The following RPS6KA5 variants were observed in gnomAD, a reference collection of about 807,000 sequenced individuals.
RPS6KA5 encodes ribosomal protein S6 kinase A5.
A neutral mutation model predicts 85.5 loss-of-function variants in RPS6KA5; 27 were observed. That is an observed-to-expected ratio of 0.32 (90% CI 0.23 to 0.44). The LOEUF is 0.44. Ranked by LOEUF, RPS6KA5 falls within the 20% of genes least tolerant of loss-of-function variation. The pLI is 1.00. For missense variants in RPS6KA5, 811 were observed against 980.9 expected (o/e 0.83, Z 2.31); for synonymous variants, 334 against 348.2 (o/e 0.96, Z 0.46).
intron 5 of RPS6KA5, among the ~76,000 whole-genome samples, chr14:90,935,921 GAC>G (rs1293688775): frequency 6.6e-6 from 1 of 152,132 alleles, no homozygotes; most frequent in Admixed American, 6.5e-5. Flanking sequence ...AATATGAACA[GAC>G]ACAATTTTGA....
chr14:90,947,481 T>C lies in RPS6KA5; in HGVS notation c.464A>G (p.Gln155Arg), dbSNP rs757359077. 5.6e-6 allele frequency: 9 copies of C among 1,612,822 alleles called. No homozygotes were observed. In the African/African-American group the frequency reaches 1.1e-4, roughly 19 times the overall value. The change falls in exon 4 of 17, where the codon CAG becomes CGG. Residue 155 changes from glutamine to arginine, a missense_variant. Gln to Arg is a conservative substitution (Grantham distance 43). This residue lies in a region of RPS6KA5 where 650 missense variants were observed against 793.4 expected (regional missense o/e 0.82). Coordinates refer to ENST00000614987, the MANE Select transcript of RPS6KA5 (RefSeq NM_004755.4). ...QRERFTEHEVQIYVGEIVLAL... is the reference protein window; with the variant it reads ...QRERFTEHEVRIYVGEIVLAL... Reference sequence around the variant, plus strand: ...AAGCACAATCTCTCCAACATAAATCTGCACCTCATGCTCTGTGAAACGCTC... The same window carrying C: ...AAGCACAATCTCTCCAACATAAATCCGCACCTCATGCTCTGTGAAACGCTC...
At chr14:90,919,991 T>G (rs558730441) in intron 7 of RPS6KA5, among the ~76,000 whole-genome samples, 1 of 152,264 alleles carries the variant, frequency 6.6e-6, no homozygotes, top group Admixed American at 6.5e-5. Context: ...AGATCATAAG[T>G]TAACTTCAGA....
intron 1 of RPS6KA5, among the ~76,000 whole-genome samples, chr14:91,049,687 G>A (rs2042995080): frequency 1.3e-5 from 2 of 152,136 alleles, no homozygotes; most frequent in South Asian, 4.1e-4. Context: ...CACATATTCA[G>A]TATGCGTTGC....
chr14:91,004,277 G>A lies in RPS6KA5; in HGVS notation c.104-3118C>T, dbSNP rs1189392638. Among the ~76,000 whole-genome samples the A allele has an allele frequency of 2.0e-5, 3 of 152,130 alleles. No individual in the cohort carries two copies. The East Asian group carries it at 5.8e-4, about 30-fold the overall frequency. ...ATTTTTTGTATTTTTAGTAGAGACC[G>A]GGTTTCACCGTGTTAGATCTCCTGA... On this transcript the variant is annotated intron_variant, in intron 1 of 16. Transcript: ENST00000614987.
intron 2 of RPS6KA5, among the ~76,000 whole-genome samples, chr14:90,999,080 T>C (rs1425347025): frequency 6.6e-5 from 10 of 151,994 alleles, no homozygotes; most frequent in Non-Finnish European, 1.3e-4. Context: ...TGGTGGTGCA[T>C]GTCTATAATT....
At chr14:90,883,698 T>G (rs552244513) in intron 14 of RPS6KA5, among the ~76,000 whole-genome samples, 1 of 152,350 alleles carries the variant, frequency 6.6e-6, no homozygotes, top group South Asian at 2.1e-4. Flanking sequence ...ATATACCTTG[T>G]GATTCTTGTT....
In RPS6KA5 at chr14:90,858,187, C is replaced by A. The variant is rs2140106625; in HGVS notation, c.*13887G>T. ...GCATTCATTTAATTTTACGTAAACA[C>A]ATTCTTTGAGGCTAAAGCAAATCTG... On this transcript the variant is annotated 3_prime_UTR_variant, in exon 17 of 17. Coordinates refer to ENST00000614987, the MANE Select transcript of RPS6KA5 (RefSeq NM_004755.4). 6.6e-6 allele frequency: 1 copy of A among 152,058 alleles called. No individual in the cohort carries two copies. Among genetic ancestry groups the A allele is most frequent in the East Asian group, 1.9e-4 (1 of 5,178 alleles). 9.4% of individuals were successfully genotyped at this position (152,058 alleles called of 1,614,324 possible).
rs1340958143 is a variant in RPS6KA5, at chr14:90,855,058, T to G, written c.*17016A>C. ...TCTTTGCTTTGCCAGGAACAAAGTT[T>G]CAAGTGATATCTCCATCAGCGAATA... On this transcript the variant is annotated 3_prime_UTR_variant, in exon 17 of 17. Transcript: ENST00000614987. The G allele has an allele frequency of 7.2e-5, 11 of 152,234 alleles. No homozygotes were observed. The highest frequency in any genetic ancestry group is 1.6e-4 in the Non-Finnish European group (11 of 68,042). The allele number at this position is 152,234 out of a possible 1,614,324, so 9.4% of individuals were successfully genotyped here. A position where few individuals can be genotyped will look rare whatever the true frequency, so the allele number is the denominator to read the frequency against.
At chr14:90,999,403 G>C (rs190580393) in intron 2 of RPS6KA5, among the ~76,000 whole-genome samples, 2 of 152,296 alleles carry the variant, frequency 1.3e-5, no homozygotes, top group Admixed American at 6.5e-5. Context: ...TCAGGTCCCT[G>C]AGAGTGTGAC....
chr14:90,929,607 CTAAA>C (rs1265024481), intron 5 of RPS6KA5, among the ~76,000 whole-genome samples: 2 of 151,876 alleles, frequency 1.3e-5, no homozygotes, highest in Admixed American at 6.6e-5. Context: ...ACATAAAAAA[CTAAA>C]TAAATGAGAA....
chr14:90,977,535 C>G (rs1171426556), intron 3 of RPS6KA5, among the ~76,000 whole-genome samples: 1 of 152,198 alleles, frequency 6.6e-6, no homozygotes, highest in Non-Finnish European at 1.5e-5. Flanking sequence ...AGTTTTTCAC[C>G]AGGAATGCAA....
At chr14:90,935,606 T>C (rs560926241) in intron 5 of RPS6KA5, among the ~76,000 whole-genome samples, 3 of 152,328 alleles carry the variant, frequency 2.0e-5, no homozygotes, top group Admixed American at 1.3e-4. Context: ...GCCTCTTACA[T>C]TGTCCAAAGA....
intron 2 of RPS6KA5, among the ~76,000 whole-genome samples, chr14:90,998,298 C>T (rs1351926382): frequency 6.6e-6 from 1 of 152,100 alleles, no homozygotes; most frequent in African/African-American, 2.4e-5. Flanking sequence ...TATAAAATTG[C>T]TGCACAACTT....
At chr14:90,981,630 C>G (rs1390132489) in intron 2 of RPS6KA5, among the ~76,000 whole-genome samples, 1 of 152,230 alleles carries the variant, frequency 6.6e-6, no homozygotes, top group East Asian at 1.9e-4. Context: ...AGACCACGTA[C>G]TCTGCCAACG....
At chr14:91,028,302 C>T (rs1042832789) in intron 1 of RPS6KA5, among the ~76,000 whole-genome samples, 3 of 152,056 alleles carry the variant, frequency 2.0e-5, no homozygotes, top group South Asian at 4.2e-4. Flanking sequence ...ACTGCCACCT[C>T]GACCTCCCAG....
intron 1 of RPS6KA5, among the ~76,000 whole-genome samples, chr14:91,036,432 A>G (rs2042413423): frequency 6.6e-6 from 1 of 152,166 alleles, no homozygotes; most frequent in Admixed American, 6.5e-5. Flanking sequence ...AACAGGATGG[A>G]TGGATGGGTG....
At chr14:90,912,483 T>C (rs77583312) in intron 7 of RPS6KA5, among the ~76,000 whole-genome samples, 1,944 of 152,314 alleles carry the variant, frequency 0.013, 41 homozygotes, top group African/African-American at 0.044. Context: ...AGTTACATCC[T>C]AGTTTCTTCA....
intron 5 of RPS6KA5, among the ~76,000 whole-genome samples, chr14:90,938,729 T>C (rs1426192031): frequency 5.3e-5 from 8 of 152,198 alleles, no homozygotes; most frequent in Non-Finnish European, 7.4e-5. Context: ...CTTTTAGTCA[T>C]GGCTGTAGCA....
chr14:91,016,994 A>C (rs1187489736), intron 1 of RPS6KA5, among the ~76,000 whole-genome samples: 1 of 152,284 alleles, frequency 6.6e-6, no homozygotes, highest in East Asian at 1.9e-4. Context: ...GATACCAGCC[A>C]GTCTCTTTCC....
Sources: gnomAD v4.1 joint callset for allele counts (sites outside exome capture counted in the v4.1 genomes callset) on GRCh38, gnomAD v4.1.1 for gene constraint, gnomAD v4.1.1 regional missense constraint, MANE v1.5 for transcripts, NCBI Gene and HGNC (gene_info 2026-07-23, HGNC 2026-07-21) for gene names.